The following ELF2 variants were observed in gnomAD, a reference collection of about 807,000 sequenced individuals.
ELF2 encodes the protein ETS-related transcription factor Elf-2.
ELF2 carries 11 observed loss-of-function variants against 54.8 expected under a neutral mutation model. That is an observed-to-expected ratio of 0.20 (90% CI 0.13 to 0.33). ELF2 has a LOEUF of 0.33. Among genes scored for constraint, ELF2 ranks in the 10% least tolerant of loss-of-function variants. ELF2 has a pLI of 1.00. For synonymous variants in ELF2, 203 were observed against 245.1 expected, an observed-to-expected ratio of 0.83 and a Z score of 1.61; for missense variants, 513 against 703.0, an observed-to-expected ratio of 0.73 and a Z score of 3.06.
chr4:139,129,230 C>T (rs1737252891), intron 3 of ELF2, among the ~76,000 whole-genome samples: 1 of 152,100 alleles, frequency 6.6e-6, no homozygotes, highest in Admixed American at 6.5e-5. Flanking sequence ...GAGCGACTAC[C>T]CCCGGCCTAC....
At chr4:139,072,127 T>G (rs989020148) in intron 5 of ELF2, 88 bp from the exon 6 acceptor site, 2 of 1,302,930 alleles carry the variant, frequency 1.5e-6, no homozygotes, top group African/African-American at 1.5e-5. Flanking sequence ...AGGCGAGGTG[T>G]GTTAAGAATT....
At chr4:139,069,102 C>T (rs1729151163) in intron 6 of ELF2, among the ~76,000 whole-genome samples, 1 of 152,038 alleles carries the variant, frequency 6.6e-6, no homozygotes, top group African/African-American at 2.4e-5. Context: ...CTCCTGAGAT[C>T]AGGAAATCTG....
At chr4:139,097,697 TTTC>T (rs368831255) in intron 4 of ELF2, among the ~76,000 whole-genome samples, 274 of 152,276 alleles carry the variant, frequency 1.8e-3, no homozygotes, top group African/African-American at 6.2e-3. Flanking sequence ...AACATTTTCA[TTTC>T]TTTTTTGATC....
chr4:139,158,581 GGTT>G (rs1210844498), intron 1 of ELF2, among the ~76,000 whole-genome samples: 3 of 152,002 alleles, frequency 2.0e-5, no homozygotes, highest in African/African-American at 7.2e-5. Context: ...GATATTGTGG[GGTT>G]GTTAAAGGGA....
At chr4:139,131,811 A>G (rs13129674) in intron 3 of ELF2, among the ~76,000 whole-genome samples, 6 of 151,960 alleles carry the variant, frequency 3.9e-5, no homozygotes, top group Non-Finnish European at 7.4e-5. Context: ...AAAAAAAAAA[A>G]AGAGATAGAA....
intron 3 of ELF2, chr4:139,137,367 A>T: frequency 2.0e-6 from 1 of 508,664 alleles, no homozygotes; most frequent in Non-Finnish European, 3.5e-6. Context: ...TTAACTCTCA[A>T]CTAATACTAT....
chr4:139,160,504 A>G (rs1288187889), intron 1 of ELF2, among the ~76,000 whole-genome samples: 1 of 152,220 alleles, frequency 6.6e-6, no homozygotes, highest in African/African-American at 2.4e-5. Context: ...AAGATTACAG[A>G]AAGTTATAGA....
At chr4:139,169,004 TA>T (rs1223496480) in intron 1 of ELF2, among the ~76,000 whole-genome samples, 4 of 151,084 alleles carry the variant, frequency 2.6e-5, no homozygotes, top group Non-Finnish European at 4.4e-5. Flanking sequence ...AATACCTGAT[TA>T]AAAAAAAATA....
At chr4:139,115,377 C>A (rs1396454571) in intron 4 of ELF2, 1 of 1,056,570 alleles carries the variant, frequency 9.5e-7, no homozygotes, top group African/African-American at 1.7e-5. Flanking sequence ...TCCGCCATGG[C>A]GGCCGCCGGG....
intron 1 of ELF2, among the ~76,000 whole-genome samples, chr4:139,148,534 C>T (rs926718256): frequency 2.6e-5 from 4 of 151,648 alleles, no homozygotes; most frequent in African/African-American, 7.3e-5. Flanking sequence ...TTCAAGGTTC[C>T]TTTCATTTAC....
At chr4:139,152,461 A>G (rs1268878944) in intron 1 of ELF2, among the ~76,000 whole-genome samples, 1 of 151,932 alleles carries the variant, frequency 6.6e-6, no homozygotes, top group Admixed American at 6.6e-5. Flanking sequence ...CTGCACAAGT[A>G]GCTGGGACCA....
At chr4:139,061,029 T>C (rs947984762) in intron 8 of ELF2, among the ~76,000 whole-genome samples, 11 of 152,184 alleles carry the variant, frequency 7.2e-5, no homozygotes, top group Non-Finnish European at 1.3e-4. Flanking sequence ...CAAACTGATA[T>C]TACTGGAAAA....
At chr4:139,079,995 A>T (rs1397939172) in intron 4 of ELF2, among the ~76,000 whole-genome samples, 1 of 152,246 alleles carries the variant, frequency 6.6e-6, no homozygotes, top group Non-Finnish European at 1.5e-5. Flanking sequence ...GTTTTTAAAA[A>T]GCTCTTCTTA....
At chr4:139,072,678 T>C (rs139989237) in intron 5 of ELF2, among the ~76,000 whole-genome samples, 21 of 152,312 alleles carry the variant, frequency 1.4e-4, no homozygotes, top group Middle Eastern at 3.4e-3. Context: ...TTGCTCTGGC[T>C]TCCTTCTAAT....
chr4:139,114,859 T>A (rs1560826904), intron 4 of ELF2: 4 of 1,601,596 alleles, frequency 2.5e-6, no homozygotes, highest in Admixed American at 1.7e-5. Context: ...TCCCCCGGTA[T>A]TGCTGTTGCT....
At chr4:139,084,266 C>A in intron 4 of ELF2, 1 of 1,605,500 alleles carries the variant, frequency 6.2e-7, no homozygotes, top group East Asian at 2.2e-5. Context: ...GGAGGCGGAA[C>A]CCGCGGCCGG....
intron 4 of ELF2, among the ~76,000 whole-genome samples, chr4:139,102,897 T>TC (rs1734053901): frequency 6.6e-6 from 1 of 151,984 alleles, no homozygotes; most frequent in Non-Finnish European, 1.5e-5. Context: ...GTTTTTTTTT[T>TC]TCCCCCCTGA....
In ELF2 at chr4:139,061,034, G is replaced by A. The variant is rs573144154; in HGVS notation, c.807-360C>T. On this transcript the variant is annotated intron_variant, in intron 8 of 9. Transcript: ENST00000686138. ...GTTGTAACAACAAACTGATATTACT[G>A]GAAAAATTACCTAAGCCACACTTAC... Among the ~76,000 whole-genome samples, 8 of 152,084 alleles carry A rather than the reference G, an allele frequency of 5.3e-5. No homozygotes were observed. In the South Asian group the frequency reaches 8.3e-4, roughly 16 times the overall value.
intron 4 of ELF2, among the ~76,000 whole-genome samples, chr4:139,096,327 T>C (rs56225095): frequency 6.6e-6 from 1 of 152,196 alleles, no homozygotes; most frequent in Non-Finnish European, 1.5e-5. Context: ...CTGGGTCTGA[T>C]GGACTTTTTT....
Sources: allele counts gnomAD v4.1 joint callset (sites outside exome capture counted in the v4.1 genomes callset), GRCh38; gene constraint gnomAD v4.1.1; transcripts MANE v1.5; gene names NCBI Gene and HGNC (gene_info 2026-07-23, HGNC 2026-07-21).